PKP4: variants seen among roughly 807,000 people sequenced by gnomAD.
PKP4 encodes the protein plakophilin-4.
PKP4 carries 90 observed loss-of-function variants against 145.1 expected under a neutral mutation model. The observed-to-expected ratio is 0.62, with a 90% CI of 0.52 to 0.74. The LOEUF is 0.74. Among genes scored for constraint, PKP4 ranks in the 30% least tolerant of loss-of-function variants. The pLI is 0.00. For synonymous variants in PKP4, 563 were observed against 577.2 expected, an observed-to-expected ratio of 0.98 and a Z score of 0.35; for missense variants, 1,340 against 1,482.7, an observed-to-expected ratio of 0.90 and a Z score of 1.58.
chr2:158,491,949 CAGGTGCGCA>C (rs1257830284), intron 1 of PKP4, among the ~76,000 whole-genome samples: 2 of 152,056 alleles, frequency 1.3e-5, no homozygotes, highest in Non-Finnish European at 2.9e-5. Context: ...AGATGGAGCA[CAGGTGCGCA>C]TCACCATGCT....
intron 11 of PKP4, 63 bp downstream of exon 11, chr2:158,642,762 G>A: frequency 8.3e-7 from 1 of 1,206,560 alleles, no homozygotes; most frequent in Non-Finnish European, 1.2e-6. Flanking sequence ...CTGTGCCCTT[G>A]TATAGTGGCA....
At chr2:158,673,825 A>G in intron 18 of PKP4, 58 bp from the exon 19 acceptor site, 1 of 1,461,854 alleles carries the variant, frequency 6.8e-7, no homozygotes, top group South Asian at 1.1e-5. Context: ...ATAATCATTT[A>G]TTGTAATGAA....
chr2:158,598,453 A>C (rs2049954215), intron 3 of PKP4, among the ~76,000 whole-genome samples: 1 of 152,186 alleles, frequency 6.6e-6, no homozygotes, highest in African/African-American at 2.4e-5. Context: ...GTACCAACTT[A>C]AGTAAAACAT....
At chr2:158,653,550 AG>A (rs2105957755) in intron 11 of PKP4, among the ~76,000 whole-genome samples, 1 of 152,336 alleles carries the variant, frequency 6.6e-6, no homozygotes, top group South Asian at 2.1e-4. Flanking sequence ...GGGAATAAGC[AG>A]CGTTTTCTAC....
intron 2 of PKP4, among the ~76,000 whole-genome samples, chr2:158,564,513 G>C (rs1466621052): frequency 6.6e-6 from 1 of 152,122 alleles, no homozygotes; most frequent in East Asian, 1.9e-4. Context: ...TTTCCAAGTG[G>C]GGATGGCAGG....
intron 2 of PKP4, among the ~76,000 whole-genome samples, chr2:158,562,299 A>G (rs1455025178): frequency 7.2e-5 from 11 of 152,360 alleles, no homozygotes; most frequent in African/African-American, 2.6e-4. Flanking sequence ...TGTGGCATAT[A>G]TATTGCGATG....
chr2:158,614,591 T>C (rs1470449318), intron 4 of PKP4, among the ~76,000 whole-genome samples: 3 of 152,186 alleles, frequency 2.0e-5, no homozygotes, highest in Non-Finnish European at 4.4e-5. Flanking sequence ...CTCAATATGT[T>C]TATCGTGGGC....
intron 1 of PKP4, among the ~76,000 whole-genome samples, chr2:158,462,176 T>C (rs1158373445): frequency 1.3e-5 from 2 of 152,214 alleles, no homozygotes; most frequent in African/African-American, 2.4e-5. Context: ...TGTGTCTGAA[T>C]TGCAAGCATG....
intron 3 of PKP4, among the ~76,000 whole-genome samples, chr2:158,600,639 A>G (rs1412590065): frequency 6.6e-6 from 1 of 152,178 alleles, no homozygotes; most frequent in Non-Finnish European, 1.5e-5. Flanking sequence ...GTAGTGAACA[A>G]TTTGAGAGTC....
chr2:158,557,755 A>G (rs1244382092), intron 2 of PKP4, among the ~76,000 whole-genome samples: 1 of 152,218 alleles, frequency 6.6e-6, no homozygotes, highest in Non-Finnish European at 1.5e-5. Flanking sequence ...TCCAAGGAGA[A>G]TGAGAGATGG....
At chr2:158,552,975 C>G (rs147809712) in intron 2 of PKP4, among the ~76,000 whole-genome samples, 2 of 152,014 alleles carry the variant, frequency 1.3e-5, no homozygotes, top group African/African-American at 4.8e-5. Flanking sequence ...AGTAATGAAG[C>G]GAAGTGCAGT....
At chr2:158,484,546 A>T (rs544192812) in intron 1 of PKP4, among the ~76,000 whole-genome samples, 1 of 152,184 alleles carries the variant, frequency 6.6e-6, no homozygotes, top group Admixed American at 6.5e-5. Context: ...CTTTGTTTGC[A>T]TACTCTGAAC....
intron 2 of PKP4, among the ~76,000 whole-genome samples, chr2:158,567,927 C>T (rs1304363830): frequency 6.6e-6 from 1 of 152,162 alleles, no homozygotes; most frequent in Non-Finnish European, 1.5e-5. Flanking sequence ...GAGGAAATGA[C>T]AAAAGGATGA....
intron 2 of PKP4, among the ~76,000 whole-genome samples, chr2:158,564,048 T>C (rs2046767322): frequency 6.6e-6 from 1 of 152,140 alleles, no homozygotes; most frequent in Non-Finnish European, 1.5e-5. Context: ...TGAATTCAAT[T>C]TTAATTACAG....
chr2:158,470,104 T>C (rs1691313234), intron 1 of PKP4, among the ~76,000 whole-genome samples: 1 of 152,256 alleles, frequency 6.6e-6, no homozygotes, highest in Non-Finnish European at 1.5e-5. Flanking sequence ...CTATTTGAGC[T>C]CTCAGCAGGT....
At chr2:158,648,718 G>A (rs2055057767) in intron 11 of PKP4, among the ~76,000 whole-genome samples, 1 of 152,182 alleles carries the variant, frequency 6.6e-6, no homozygotes, top group Non-Finnish European at 1.5e-5. Context: ...ATAAAACATA[G>A]CTGGGTGCAG....
At chr2:158,642,419 G>A in intron 10 of PKP4, 67 bp from the exon 11 acceptor site, 1 of 1,165,568 alleles carries the variant, frequency 8.6e-7, no homozygotes, top group Admixed American at 2.1e-5. Context: ...CTCCATAACG[G>A]ACTTCTGTAT....
chr2:158,656,042 T>C (rs1264412597), intron 11 of PKP4, among the ~76,000 whole-genome samples: 1 of 152,196 alleles, frequency 6.6e-6, no homozygotes, highest in Non-Finnish European at 1.5e-5. Flanking sequence ...CTTTCTGTGG[T>C]CGTCAGGCTT....
intron 3 of PKP4, among the ~76,000 whole-genome samples, chr2:158,589,921 A>C (rs2105815443): frequency 6.6e-6 from 1 of 152,226 alleles, no homozygotes; most frequent in African/African-American, 2.4e-5. Flanking sequence ...AGTGAGGGCC[A>C]TCCACTAGTG....
Sources: gnomAD v4.1 joint callset for allele counts (sites outside exome capture counted in the v4.1 genomes callset) on GRCh38, gnomAD v4.1.1 for gene constraint, MANE v1.5 for transcripts, NCBI Gene and HGNC (gene_info 2026-07-23, HGNC 2026-07-21) for gene names.